Variants in ARHGAP24 observed in about 807,000 individuals in gnomAD.
The protein encoded by ARHGAP24 is Rho GTPase activating protein 24, also known as rho GTPase-activating protein 24.
ARHGAP24 carries 50 observed loss-of-function variants against 76.4 expected under a neutral mutation model. The observed-to-expected ratio is 0.65, with a 90% CI of 0.52 to 0.83. The LOEUF (loss-of-function observed/expected upper bound fraction) is 0.83, where lower values mean the gene tolerates loss of function less well. ARHGAP24 is among the 40% of genes least tolerant of loss of function. ARHGAP24 has a pLI of 0.00. For synonymous variants in ARHGAP24, 345 were observed against 323.3 expected (o/e 1.07, Z -0.72); for missense variants, 930 against 914.2 (o/e 1.02, Z -0.22).
At chr4:85,494,375 T>C in intron 1 of ARHGAP24, among the ~76,000 whole-genome samples, 1 of 152,152 alleles carries the variant, frequency 6.6e-6, no homozygotes, top group East Asian at 1.9e-4. Context: ...CATACAGTGT[T>C]TGGTTTTCTG....
intron 8 of ARHGAP24, among the ~76,000 whole-genome samples, chr4:85,985,268 A>G (rs1578468640): frequency 6.6e-6 from 1 of 152,212 alleles, no homozygotes. Flanking sequence ...TAAAGAAAAC[A>G]TGGTACATGT....
chr4:85,860,799 CTCA>C (rs1481839464), intron 3 of ARHGAP24, among the ~76,000 whole-genome samples: 1 of 151,936 alleles, frequency 6.6e-6, no homozygotes, highest in Non-Finnish European at 1.5e-5. Flanking sequence ...ACTTTTCCTA[CTCA>C]TCATATTTTG....
intron 2 of ARHGAP24, among the ~76,000 whole-genome samples, chr4:85,598,197 T>G (rs1177304213): frequency 2.0e-5 from 3 of 152,078 alleles, no homozygotes; most frequent in Admixed American, 2.0e-4. Context: ...GAAACTCATT[T>G]AATTCTTTTT....
intron 2 of ARHGAP24, among the ~76,000 whole-genome samples, chr4:85,716,077 T>C (rs1468807535): frequency 1.3e-5 from 2 of 152,044 alleles, no homozygotes; most frequent in African/African-American, 4.8e-5. Context: ...TCATAGTCAT[T>C]GTTTATGCTG....
intron 1 of ARHGAP24, among the ~76,000 whole-genome samples, chr4:85,550,813 T>G (rs939542019): frequency 1.3e-5 from 2 of 152,156 alleles, no homozygotes; most frequent in Non-Finnish European, 2.9e-5. Context: ...TTGTGGCTGT[T>G]GTAAATGGGA....
At chr4:85,745,342 A>T (rs1293135447) in intron 3 of ARHGAP24, among the ~76,000 whole-genome samples, 1 of 148,138 alleles carries the variant, frequency 6.8e-6, no homozygotes, top group Non-Finnish European at 1.5e-5. Flanking sequence ...ATATACATAT[A>T]TATGTATTAT....
At chr4:85,927,103 T>A (rs1192727770) in intron 4 of ARHGAP24, among the ~76,000 whole-genome samples, 1 of 152,028 alleles carries the variant, frequency 6.6e-6, no homozygotes, top group Non-Finnish European at 1.5e-5. Flanking sequence ...CATCAACAGA[T>A]GAATGAATAA....
chr4:85,738,238 T>C (rs905819621), intron 3 of ARHGAP24, among the ~76,000 whole-genome samples: 2 of 152,110 alleles, frequency 1.3e-5, no homozygotes, highest in Non-Finnish European at 2.9e-5. Context: ...TGGTATCTCA[T>C]TGTGGTTTAT....
At chr4:85,515,435 A>G (rs1724460094) in intron 1 of ARHGAP24, among the ~76,000 whole-genome samples, 2 of 149,984 alleles carry the variant, frequency 1.3e-5, no homozygotes, top group African/African-American at 4.9e-5. Flanking sequence ...CACTCTATAC[A>G]GGTAATCATT....
intron 2 of ARHGAP24, among the ~76,000 whole-genome samples, chr4:85,576,976 A>G (rs1308520527): frequency 6.6e-6 from 1 of 151,920 alleles, no homozygotes; most frequent in African/African-American, 2.4e-5. Flanking sequence ...ACTTCATAAC[A>G]TTATTTTGGG....
chr4:85,913,154 C>A (rs1735180416), intron 3 of ARHGAP24, among the ~76,000 whole-genome samples: 2 of 152,034 alleles, frequency 1.3e-5, no homozygotes, highest in African/African-American at 4.8e-5. Flanking sequence ...GCCCCCATTT[C>A]TCTACTCCTT....
intron 3 of ARHGAP24, among the ~76,000 whole-genome samples, chr4:85,886,029 G>T (rs1383489629): frequency 1.3e-5 from 2 of 152,078 alleles, no homozygotes; most frequent in Non-Finnish European, 2.9e-5. Flanking sequence ...CTATTCTAAT[G>T]CCATAAAGAA....
At chr4:85,755,993 C>G (rs1160997819) in intron 3 of ARHGAP24, among the ~76,000 whole-genome samples, 1 of 151,962 alleles carries the variant, frequency 6.6e-6, no homozygotes, top group Admixed American at 6.6e-5. Context: ...TTGTTCATGT[C>G]CCCCTCTAGC....
intron 3 of ARHGAP24, among the ~76,000 whole-genome samples, chr4:85,725,386 A>C (rs1036157841): frequency 1.3e-5 from 2 of 152,176 alleles, no homozygotes; most frequent in African/African-American, 4.8e-5. Flanking sequence ...ATGTTGAACT[A>C]TTTCCTGTTG....
intron 2 of ARHGAP24, among the ~76,000 whole-genome samples, chr4:85,700,118 G>A (rs186238974): frequency 1.8e-4 from 28 of 152,234 alleles, no homozygotes; most frequent in Non-Finnish European, 3.2e-4. Flanking sequence ...AGCTGAGCCG[G>A]GCATGGTGCC....
chr4:85,758,256 C>T (rs932424339), intron 3 of ARHGAP24, among the ~76,000 whole-genome samples: 1 of 152,108 alleles, frequency 6.6e-6, no homozygotes, highest in Non-Finnish European at 1.5e-5. Context: ...TGAAGATAGC[C>T]GTGTACCTAC....
chr4:85,925,299 T>A (rs149013569), intron 4 of ARHGAP24, among the ~76,000 whole-genome samples: 1 of 152,246 alleles, frequency 6.6e-6, no homozygotes, highest in Non-Finnish European at 1.5e-5. Flanking sequence ...CTGCACACAC[T>A]ACCCGCTGCC....
intron 3 of ARHGAP24, among the ~76,000 whole-genome samples, chr4:85,757,326 C>T (rs1398081590): frequency 1.3e-5 from 2 of 150,802 alleles, no homozygotes; most frequent in East Asian, 3.9e-4. Context: ...ATTAACTCGT[C>T]ATTTACATTA....
intron 3 of ARHGAP24, among the ~76,000 whole-genome samples, chr4:85,726,143 T>C (rs938195125): frequency 1.3e-5 from 2 of 152,086 alleles, no homozygotes; most frequent in African/African-American, 2.4e-5. Context: ...AGAAGTGCAA[T>C]GCTTTCTCTC....
Sources: gnomAD v4.1 joint callset for allele counts (sites outside exome capture counted in the v4.1 genomes callset) on GRCh38, gnomAD v4.1.1 for gene constraint, MANE v1.5 for transcripts, NCBI Gene and HGNC (gene_info 2026-07-23, HGNC 2026-07-21) for gene names.